MTHFD1L: variants seen among roughly 807,000 people sequenced by gnomAD.
MTHFD1L encodes the protein monofunctional C1-tetrahydrofolate synthase, mitochondrial.
A neutral mutation model predicts 119.5 loss-of-function variants in MTHFD1L; 81 were observed. That is an observed-to-expected ratio of 0.68 (90% CI 0.57 to 0.82). The LOEUF is 0.82. MTHFD1L is among the 40% of genes least tolerant of loss of function. The pLI, the probability that MTHFD1L is intolerant of heterozygous loss-of-function variation, is 0.00. For missense variants in MTHFD1L, 1,125 were observed against 1,253.4 expected (o/e 0.90, Z 1.55); for synonymous variants, 430 against 475.2 (o/e 0.90, Z 1.24).
At chr6:151,014,601 T>G (rs1024571194) in intron 22 of MTHFD1L, among the ~76,000 whole-genome samples, 1 of 152,258 alleles carries the variant, frequency 6.6e-6, no homozygotes, top group African/African-American at 2.4e-5. Context: ...CTGTCAGGCC[T>G]CAACCTGCAG....
At position 150,922,294 on chromosome 6, in the gene MTHFD1L, T is replaced by C; in HGVS notation, c.1074T>C (p.Pro358=). 1.9e-6 allele frequency: 3 copies of C among 1,613,680 alleles called. No homozygotes were observed. The highest frequency in any genetic ancestry group is 2.5e-6 in the Non-Finnish European group (3 of 1,179,592). ...GCTTGAAACTTCAGCCTCTCTCCCC[T>C]GTGCCAAGGTAACACTGGTGTTTTA... ...LHCLKLQPLS[P]VPSDIEISRG... The change falls in exon 10 of 28, where the codon CCT becomes CCC. Residue 358 remains proline (P), a synonymous_variant. Coordinates refer to ENST00000367321, the MANE Select transcript of MTHFD1L (RefSeq NM_015440.5).
intron 24 of MTHFD1L, 106 bp from the exon 25 acceptor site, chr6:151,034,387 C>G (rs1371715667): frequency 1.4e-5 from 11 of 765,654 alleles, no homozygotes; most frequent in Non-Finnish European, 2.0e-5. Flanking sequence ...AGGGGGTACT[C>G]TGATAAGGGA....
chr6:150,961,486 AAGAT>A (rs1562460039), intron 18 of MTHFD1L, among the ~76,000 whole-genome samples: 1 of 152,196 alleles, frequency 6.6e-6, no homozygotes, highest in Non-Finnish European at 1.5e-5. Flanking sequence ...ACAGGCCTCT[AAGAT>A]AGCCATTACT....
chr6:150,944,590 T>G lies in MTHFD1L; in HGVS notation c.1545T>G (p.Asp515Glu), dbSNP rs754328248. 1 of 1,611,688 alleles carries G rather than the reference T, an allele frequency of 6.2e-7. No individual in the cohort carries two copies. Among genetic ancestry groups the G allele is most frequent in the East Asian group, 2.2e-5 (1 of 44,858 alleles). ...TTCTTCATGAAAACACGCAAACAGA[T>G]AAGGTGAGAAGGATGCCTTGCTAGC... ...TRILHENTQTDKALYNRLVPL... is the reference protein window; with the variant it reads ...TRILHENTQTEKALYNRLVPL... The change falls in exon 14 of 28, where the codon GAT (aspartate) becomes GAG (glutamate). Residue 515 changes from aspartate to glutamate, a missense_variant. Coordinates refer to ENST00000367321, the MANE Select transcript of MTHFD1L (RefSeq NM_015440.5).
At chr6:151,099,670 T>G (rs927892841) in intron 27 of MTHFD1L, 3 of 1,607,126 alleles carry the variant, frequency 1.9e-6, no homozygotes, top group Non-Finnish European at 1.7e-6. Flanking sequence ...TCGTAGAAGA[T>G]TCAGGGTCCA....
At chr6:151,005,119 A>G (rs1217267989) in intron 20 of MTHFD1L, among the ~76,000 whole-genome samples, 2 of 152,070 alleles carry the variant, frequency 1.3e-5, no homozygotes, top group Admixed American at 6.6e-5. Context: ...AACCTAACCT[A>G]TAGGTTATAT....
Position 150,946,944 on chromosome 6 carries a change from A to G in MTHFD1L, c.1623+1403A>G, listed in dbSNP as rs1562432883. Reference sequence around the variant, plus strand: ...CAAAAAATTAGCCGGGCGTGGTGGCAGGCGCCTGTAGTCCCAGCTTCTCGG... The same window carrying G: ...CAAAAAATTAGCCGGGCGTGGTGGCGGGCGCCTGTAGTCCCAGCTTCTCGG... On this transcript the variant is annotated intron_variant, in intron 15 of 27. Coordinates refer to ENST00000367321, the MANE Select transcript of MTHFD1L (RefSeq NM_015440.5). Among the ~76,000 whole-genome samples, 14 of 151,438 alleles carry G rather than the reference A, an allele frequency of 9.2e-5. 1 individual carries two copies. In the South Asian group the frequency reaches 2.7e-3, roughly 29 times the overall value.
intron 7 of MTHFD1L, among the ~76,000 whole-genome samples, chr6:150,895,645 C>T (rs1484267432): frequency 3.2e-5 from 4 of 123,622 alleles, no homozygotes; most frequent in Non-Finnish European, 6.5e-5. Flanking sequence ...CAAAGCTGAA[C>T]TATTACAAAG....
At chr6:150,886,978 A>AT (rs1782417701) in intron 6 of MTHFD1L, among the ~76,000 whole-genome samples, 1 of 151,496 alleles carries the variant, frequency 6.6e-6, no homozygotes. Context: ...CCTGGGCAAC[A>AT]AGCAAGATCC....
At chr6:150,966,639 CAT>C (rs1178451739) in intron 19 of MTHFD1L, among the ~76,000 whole-genome samples, 1 of 152,130 alleles carries the variant, frequency 6.6e-6, no homozygotes, top group Non-Finnish European at 1.5e-5. Flanking sequence ...GCCTGGCCAA[CAT>C]AGTGAATCCC....
intron 12 of MTHFD1L, among the ~76,000 whole-genome samples, chr6:150,938,275 C>A (rs1279337527): frequency 6.6e-6 from 1 of 152,234 alleles, no homozygotes; most frequent in Non-Finnish European, 1.5e-5. Context: ...GCCTCAGCCT[C>A]CCAAAGTGCT....
rs570499362 is a variant in MTHFD1L, at chr6:150,974,681, C to T, written c.2125+2623C>T. ...GACTTATTTCACTTAGCATAATGTCCTCAAGGTTCATCCATGTTGCAGCAG... is the reference window on the plus strand; with the variant it reads ...GACTTATTTCACTTAGCATAATGTCTTCAAGGTTCATCCATGTTGCAGCAG... On this transcript the variant is annotated intron_variant, in intron 20 of 27. Transcript: ENST00000367321. 4.6e-5 allele frequency among the ~76,000 whole-genome samples: 7 copies of T among 151,798 alleles called. No individual in the cohort carries two copies. In the East Asian group the frequency reaches 1.4e-3, roughly 29 times the overall value.
At chr6:150,872,215 G>A (rs924091902) in intron 1 of MTHFD1L, among the ~76,000 whole-genome samples, 3 of 152,152 alleles carry the variant, frequency 2.0e-5, no homozygotes, top group Non-Finnish European at 4.4e-5. Flanking sequence ...ATCCACGGGA[G>A]TAGCACTTTT....
chr6:150,954,682 G>GA (rs1219141366), intron 16 of MTHFD1L, among the ~76,000 whole-genome samples: 2 of 151,580 alleles, frequency 1.3e-5, no homozygotes, highest in Admixed American at 6.6e-5. Context: ...AAAAAAAAAA[G>GA]AGAGACAAGG....
rs1244437848 is a variant in MTHFD1L at position 151,049,511 on chromosome 6, AAT to A, written c.2847+12395_2847+12396del. Among the ~76,000 whole-genome samples, 4 of 144,474 alleles carry A rather than the reference AAT, an allele frequency of 2.8e-5. No individual in the cohort carries two copies. In the South Asian group the frequency reaches 9.3e-4, roughly 34 times the overall value. 94.8% of individuals were successfully genotyped at this position (144,474 alleles called of 152,430 possible). A position where few individuals can be genotyped will look rare whatever the true frequency, so the allele number is the denominator to read the frequency against. On this transcript the variant is annotated intron_variant, in intron 26 of 27. Coordinates refer to ENST00000367321, the MANE Select transcript of MTHFD1L (RefSeq NM_015440.5). ...CGTCTCAAAAAAAAAAAAAAAAAAA[AAT>A]TAGCTGGGTGTGGTGGCGGGCTCCT...
Position 151,015,635 on chromosome 6 carries a change from G to T in MTHFD1L, c.2528G>T (p.Arg843Leu). The T allele has an allele frequency of 1.9e-6, 3 of 1,614,110 alleles. No individual in the cohort carries two copies. The South Asian group carries it at 3.3e-5, about 18-fold the overall frequency. Residue 843 changes from arginine to leucine, a missense_variant, in exon 24 of 28, where the codon CGG (arginine) becomes CTG (leucine). Transcript: ENST00000367321. The stretch of plus-strand genomic sequence containing the variant: ...GGAAAAGGATCGGTGGACTTGGCTC[G>T]GGCTGTGAGAGAGGCTGCGAGTAAA... ...VGGKGSVDLA[R>L]AVREAASKRS...
chr6:150,982,193 A>G (rs906471907), intron 20 of MTHFD1L, among the ~76,000 whole-genome samples: 1 of 152,146 alleles, frequency 6.6e-6, no homozygotes, highest in Non-Finnish European at 1.5e-5. Flanking sequence ...TTTTAAAAGG[A>G]TAAATAATTT....
chr6:151,037,143 C>G (rs763352371), intron 26 of MTHFD1L, 26 bp downstream of exon 26: 1 of 1,611,182 alleles, frequency 6.2e-7, no homozygotes, highest in Non-Finnish European at 8.5e-7. Flanking sequence ...TTTCCAAAAA[C>G]CCTCCCCATT....
At chr6:151,015,432 A>G (rs1782909122) in intron 23 of MTHFD1L, 84 bp from the exon 24 acceptor site, 2 of 1,451,768 alleles carry the variant, frequency 1.4e-6, no homozygotes, top group Non-Finnish European at 1.9e-6. Flanking sequence ...TTAGGGAGCG[A>G]AGTTCTGTAT....
Sources: gnomAD v4.1 joint callset for allele counts (sites outside exome capture counted in the v4.1 genomes callset) on GRCh38, gnomAD v4.1.1 for gene constraint, MANE v1.5 for transcripts, NCBI Gene and HGNC (gene_info 2026-07-23, HGNC 2026-07-21) for gene names.